Variants in SCGB2B2 observed in about 807,000 individuals in gnomAD.
SCGB2B2 encodes secretoglobin family 2B member 2, also known as secretoglobin-like protein.
Under a neutral mutation model 7.6 loss-of-function variants are expected in SCGB2B2, and 11 were observed. The ratio of observed to expected loss-of-function variants is 1.45; its 90% CI spans 0.91 to 2.40. The LOEUF (loss-of-function observed/expected upper bound fraction) is 2.40. Ranked by LOEUF, SCGB2B2 falls within the 30% of genes most tolerant of loss-of-function variation. The pLI is 0.00. For synonymous variants in SCGB2B2, 50 were observed against 48.6 expected (o/e 1.03, Z -0.12); for missense variants, 104 against 115.4 (o/e 0.90, Z 0.45).
At chr19:34,658,834 A>AAAAAAAAAAAAAAG (rs1555749405) in intron 1 of SCGB2B2, among the ~76,000 whole-genome samples, 1 of 118,754 alleles carries the variant, frequency 8.4e-6, no homozygotes, top group Non-Finnish European at 1.9e-5. Flanking sequence ...AAAAAAAAAA[A>AAAAAAAAAAAAAAG]AGAGAGAGAA....
At chr19:34,672,118 G>A (rs1213903299) in intron 1 of SCGB2B2, among the ~76,000 whole-genome samples, 2 of 151,780 alleles carry the variant, frequency 1.3e-5, no homozygotes, top group Admixed American at 6.6e-5. Flanking sequence ...TCCAGGTGGG[G>A]TGTAAAAATA....
downstream of SCGB2B2, among the ~76,000 whole-genome samples, chr19:34,586,067 G>T (rs183112147): frequency 6.0e-4 from 91 of 152,164 alleles, no homozygotes; most frequent in Non-Finnish European, 8.2e-4. Context: ...GGACCATCAG[G>T]CACTATCCTC....
intron 1 of SCGB2B2, among the ~76,000 whole-genome samples, chr19:34,665,506 C>CATAG (rs2067590137): frequency 6.6e-6 from 1 of 152,208 alleles, no homozygotes; most frequent in South Asian, 2.1e-4. Flanking sequence ...CTGGCCCTGG[C>CATAG]ACAGAAAGTG....
At chr19:34,602,199 T>C (rs1438137323) in intron 1 of SCGB2B2, among the ~76,000 whole-genome samples, 1 of 152,228 alleles carries the variant, frequency 6.6e-6, no homozygotes, top group Non-Finnish European at 1.5e-5. Context: ...TTTAATAAAA[T>C]GTGCATATAG....
intron 1 of SCGB2B2, among the ~76,000 whole-genome samples, chr19:34,668,286 G>C (rs985545701): frequency 2.0e-5 from 3 of 152,158 alleles, no homozygotes; most frequent in Non-Finnish European, 2.9e-5. Flanking sequence ...CCCGCACTCC[G>C]AGCTGCCGGC....
chr19:34,585,727 G>A (rs573368642), downstream of SCGB2B2, among the ~76,000 whole-genome samples: 1 of 152,284 alleles, frequency 6.6e-6, no homozygotes, highest in African/African-American at 2.4e-5. Flanking sequence ...CTGTCTTTTT[G>A]CATGGAGTCA....
chr19:34,617,805 T>G (rs997447615), intron 1 of SCGB2B2, among the ~76,000 whole-genome samples: 1 of 152,210 alleles, frequency 6.6e-6, no homozygotes, highest in Non-Finnish European at 1.5e-5. Context: ...CCATTCAGTA[T>G]GATATTGGCT....
At chr19:34,649,914 G>A (rs1489676205) in intron 1 of SCGB2B2, among the ~76,000 whole-genome samples, 2 of 151,214 alleles carry the variant, frequency 1.3e-5, no homozygotes, top group Admixed American at 1.3e-4. Context: ...CTGCTAGGGT[G>A]ATTCCAATGC....
At chr19:34,650,036 G>A (rs1278938777) in intron 1 of SCGB2B2, among the ~76,000 whole-genome samples, 2 of 151,252 alleles carry the variant, frequency 1.3e-5, no homozygotes, top group African/African-American at 2.5e-5. Context: ...TAACCGGGGC[G>A]TAAATGCCCT....
intron 1 of SCGB2B2, among the ~76,000 whole-genome samples, chr19:34,619,200 A>C (rs990170650): frequency 6.6e-6 from 1 of 152,200 alleles, no homozygotes; most frequent in Non-Finnish European, 1.5e-5. Flanking sequence ...TAACACACAT[A>C]ATACACAGAC....
chr19:34,654,392 G>C (rs964917673), intron 1 of SCGB2B2, among the ~76,000 whole-genome samples: 1 of 150,904 alleles, frequency 6.6e-6, no homozygotes, highest in Non-Finnish European at 1.5e-5. Context: ...CCTTAATTTG[G>C]CCAAAGTACA....
intron 1 of SCGB2B2, among the ~76,000 whole-genome samples, chr19:34,655,479 C>A (rs906565986): frequency 6.6e-6 from 1 of 151,074 alleles, no homozygotes; most frequent in Non-Finnish European, 1.5e-5. Context: ...GGATGCCCCC[C>A]CAACCCCACT....
intron 1 of SCGB2B2, among the ~76,000 whole-genome samples, chr19:34,611,343 T>C (rs2065921524): frequency 6.6e-6 from 1 of 152,146 alleles, no homozygotes; most frequent in African/African-American, 2.4e-5. Flanking sequence ...TTATTATAGT[T>C]TTCCTCCTAC....
intron 1 of SCGB2B2, among the ~76,000 whole-genome samples, chr19:34,628,251 G>T (rs1012969292): frequency 2.0e-5 from 3 of 151,972 alleles, no homozygotes; most frequent in African/African-American, 7.3e-5. Context: ...AGTAGCAGAA[G>T]GCAAGGAATA....
intron 1 of SCGB2B2, among the ~76,000 whole-genome samples, chr19:34,614,943 GGTT>G (rs1176180980): frequency 6.6e-6 from 1 of 152,184 alleles, no homozygotes; most frequent in Non-Finnish European, 1.5e-5. Flanking sequence ...TGGTTGCTTA[GGTT>G]GTTAGCATCA....
At chr19:34,674,540 A>G (rs947885069) in intron 1 of SCGB2B2, among the ~76,000 whole-genome samples, 3 of 152,252 alleles carry the variant, frequency 2.0e-5, no homozygotes, top group African/African-American at 7.2e-5. Flanking sequence ...AATGTCCTGG[A>G]GAGATAATTA....
At chr19:34,620,800 T>A (rs967918532) in intron 1 of SCGB2B2, among the ~76,000 whole-genome samples, 1 of 152,216 alleles carries the variant, frequency 6.6e-6, no homozygotes, top group African/African-American at 2.4e-5. Context: ...TCTTATAGTA[T>A]TAACATCACA....
chr19:34,649,174 G>A (rs935208912), intron 1 of SCGB2B2, among the ~76,000 whole-genome samples: 17 of 152,166 alleles, frequency 1.1e-4, no homozygotes, highest in African/African-American at 4.1e-4. Context: ...CCAAAGTGCT[G>A]GGATTACAGA....
intron 1 of SCGB2B2, among the ~76,000 whole-genome samples, chr19:34,670,510 T>C (rs905725364): frequency 6.6e-6 from 1 of 152,244 alleles, no homozygotes; most frequent in African/African-American, 2.4e-5. Context: ...ACAATTTTTA[T>C]GTGTACTACT....
Sources: gnomAD v4.1 joint callset for allele counts (sites outside exome capture counted in the v4.1 genomes callset) on GRCh38, gnomAD v4.1.1 for gene constraint, MANE v1.5 for transcripts, NCBI Gene and HGNC (gene_info 2026-07-23, HGNC 2026-07-21) for gene names.